Variants in ZNF518A observed in about 807,000 individuals in gnomAD.
ZNF518A encodes the protein zinc finger protein 518A.
A neutral mutation model predicts 102.7 loss-of-function variants in ZNF518A; 47 were observed. The observed-to-expected ratio is 0.46, with a 90% CI of 0.36 to 0.58. The LOEUF (loss-of-function observed/expected upper bound fraction) is 0.58. ZNF518A is among the 20% of genes least tolerant of loss of function. ZNF518A has a pLI of 0.00. For synonymous variants in ZNF518A, 652 were observed against 594.6 expected (o/e 1.10, Z -1.40); for missense variants, 1,793 against 1,699.8 (o/e 1.05, Z -0.96).
chr10:96,200,269 C>T lies in ZNF518A; in HGVS notation n.36-3305C>T. On this transcript the variant is annotated intron_variant and non_coding_transcript_variant, in intron 1 of 2. Transcript: ENST00000442635. The surrounding 1 kb of genome is among the most constrained non-coding windows in gnomAD (Gnocchi z 4.3). The stretch of plus-strand genomic sequence containing the variant: ...TTATCAAGACAGGCCTCTACATTTA[C>T]ACCAATAATTTTAAGATGAGTTTTA... 1.4e-6 allele frequency: 1 copy of T among 713,250 alleles called. No individual in the cohort carries two copies. Among genetic ancestry groups the T allele is most frequent in the Non-Finnish European group, 2.4e-6 (1 of 413,342 alleles). 44.2% of individuals were successfully genotyped at this position (713,250 alleles called of 1,614,324 possible).
chr10:96,137,311 GT>G (rs1356251477), intron 3 of ZNF518A, among the ~76,000 whole-genome samples: 3 of 151,930 alleles, frequency 2.0e-5, no homozygotes, highest in African/African-American at 4.8e-5. Context: ...CAGTCATACT[GT>G]AATTCCTCCC....
At chr10:96,180,502 C>A (rs979767642) in intron 1 of ZNF518A, among the ~76,000 whole-genome samples, 6 of 152,130 alleles carry the variant, frequency 3.9e-5, no homozygotes, top group South Asian at 4.2e-4. Flanking sequence ...CTCCTCCCCC[C>A]ACCCCACAAT....
intron 1 of ZNF518A, 190 bp downstream of exon 1, chr10:96,130,942 GT>G (rs2081303964): frequency 1.3e-5 from 2 of 152,324 alleles, no homozygotes; most frequent in Non-Finnish European, 2.9e-5. Flanking sequence ...AAGGAAAAAT[GT>G]TTTAACTCTT....
At position 96,161,527 on chromosome 10, in the gene ZNF518A, C is replaced by G. The variant is rs1269622563; in HGVS notation, c.*753C>G. 1 of 166,632 alleles carries G rather than the reference C, an allele frequency of 6.0e-6. No individual in the cohort carries two copies. The highest frequency in any genetic ancestry group is 2.4e-5 in the African/African-American group (1 of 41,410). The allele number at this position is 166,632 out of a possible 1,614,324, so 10.3% of individuals were successfully genotyped here. A position where few individuals can be genotyped will look rare whatever the true frequency, so the allele number is the denominator to read the frequency against. ...TCTCATTGAAAGTTTGGTTAAAGAACTTGAACATATTTCTAAATTTGATTA... is the reference window on the plus strand; with the variant it reads ...TCTCATTGAAAGTTTGGTTAAAGAAGTTGAACATATTTCTAAATTTGATTA... On this transcript the variant is annotated 3_prime_UTR_variant, in exon 6 of 6. Coordinates refer to ENST00000316045, the MANE Select transcript of ZNF518A (RefSeq NM_001330736.2).
At position 96,143,009 on chromosome 10, in the gene ZNF518A, T is replaced by C. The variant is rs147014415; in HGVS notation, c.-302+9361T>C. 3.8e-3 allele frequency among the ~76,000 whole-genome samples: 583 copies of C among 152,292 alleles called. 2 individuals are homozygous for C. Among genetic ancestry groups the C allele is most frequent in the African/African-American group, 0.013 (556 of 41,560 alleles). ...TTTTAGTACAGATGGGGTTTCGCCA[T>C]GTTGGCCAGGCTGTTCTTGAACTCC... On this transcript the variant is annotated intron_variant, in intron 3 of 5. Coordinates refer to ENST00000316045, the MANE Select transcript of ZNF518A (RefSeq NM_001330736.2).
intron 1 of ZNF518A, chr10:96,189,698 AATCATCATC>A (rs150495829): frequency 6.6e-5 from 43 of 655,556 alleles, no homozygotes; most frequent in South Asian, 1.3e-4. Flanking sequence ...TCATCATCAA[AATCATCATC>A]ATCATCATCA....
intron 3 of ZNF518A, among the ~76,000 whole-genome samples, chr10:96,150,643 CT>C (rs1225542124): frequency 7.2e-6 from 1 of 138,216 alleles, no homozygotes; most frequent in Non-Finnish European, 1.5e-5. Flanking sequence ...TCAGTATGCT[CT>C]TTTTTTCAAT....
chr10:96,157,592 C>G lies in ZNF518A; in HGVS notation c.1270C>G (p.Leu424Val), dbSNP rs781955118. 2.5e-6 allele frequency: 4 copies of G among 1,613,712 alleles called. No individual in the cohort carries two copies. The African/African-American group carries it at 5.3e-5, about 22-fold the overall frequency. The stretch of plus-strand genomic sequence containing the variant: ...GAAGACTGCTGTACTAGGACCTACA[C>G]TGAAAAATGTAATGATGAAAAATAA... ...FMKTAVLGPT[L>V]KNVMMKNNKL... Residue 424 changes from leucine to valine, a missense_variant, in exon 6 of 6, where the codon CTG becomes GTG. By Grantham distance (32) the Leu-to-Val change is conservative. Coordinates refer to ENST00000316045, the MANE Select transcript of ZNF518A (RefSeq NM_001330736.2).
At chr10:96,188,243 A>T (rs1324014213) in intron 1 of ZNF518A, among the ~76,000 whole-genome samples, 1 of 152,244 alleles carries the variant, frequency 6.6e-6, no homozygotes, top group African/African-American at 2.4e-5. Context: ...CTCTTCTGCA[A>T]GATGAGGGAA....
chr10:96,136,985 A>G (rs1486180961), intron 3 of ZNF518A, among the ~76,000 whole-genome samples: 2 of 152,256 alleles, frequency 1.3e-5, no homozygotes, highest in East Asian at 3.8e-4. Flanking sequence ...GCCATAGGCA[A>G]TATGTAAATG....
exon 3 of ZNF518A, chr10:96,203,998 G>T: frequency 6.8e-7 from 1 of 1,461,288 alleles, no homozygotes; most frequent in Non-Finnish European, 9.6e-7. Context: ...AGGCCTATCA[G>T]ACTCTAGGAT....
Position 96,158,498 on chromosome 10 carries a change from C to T in ZNF518A, c.2176C>T (p.Gln726Ter), listed in dbSNP as rs1554884721. The T allele has an allele frequency of 1.2e-6, 2 of 1,612,370 alleles. No homozygotes were observed. The highest frequency in any genetic ancestry group is 8.5e-7 in the Non-Finnish European group (1 of 1,179,442). ...AGAACAGTATGTTTTAGAAAAAGGACAAAACATTGATGGACAAAACCTGTA... is the reference window on the plus strand; with the variant it reads ...AGAACAGTATGTTTTAGAAAAAGGATAAAACATTGATGGACAAAACCTGTA... ...IEEQYVLEKG[Q>*]NIDGQNLYSN... is the part of the protein sequence containing the mutation. The change falls in exon 6 of 6, where the codon CAA (glutamine) becomes TAA (stop). Residue 726 changes from glutamine (Q) to a stop codon, truncating the protein, a stop_gained. Coordinates refer to ENST00000316045, the MANE Select transcript of ZNF518A (RefSeq NM_001330736.2). LOFTEE classifies it high-confidence loss of function.
At chr10:96,142,529 T>C (rs1369451112) in intron 3 of ZNF518A, among the ~76,000 whole-genome samples, 3 of 152,156 alleles carry the variant, frequency 2.0e-5, no homozygotes, top group African/African-American at 7.2e-5. Flanking sequence ...ATGAGACAAC[T>C]TAGAGAGCTA....
At position 96,160,558 on chromosome 10, in the gene ZNF518A, T is replaced by G; in HGVS notation, c.4236T>G (p.Pro1412=). The G allele has an allele frequency of 6.2e-7, 1 of 1,612,230 alleles. No individual in the cohort carries two copies. Among genetic ancestry groups the G allele is most frequent in the Non-Finnish European group, 8.5e-7 (1 of 1,179,218 alleles). The change falls in exon 6 of 6, where the codon CCT becomes CCG. Residue 1412 remains proline, a synonymous_variant. Coordinates refer to ENST00000316045, the MANE Select transcript of ZNF518A (RefSeq NM_001330736.2). ...CCAAGAGGCACAAAACATTTAAACC[T>G]GTTAGTTCTGTGAAAGAAAGATTTG... ...DFSKRHKTFK[P]VSSVKERFVL... is the part of the protein sequence containing the mutation.
intron 1 of ZNF518A, among the ~76,000 whole-genome samples, chr10:96,175,960 G>A (rs1053272633): frequency 1.7e-5 from 2 of 118,294 alleles, no homozygotes; most frequent in African/African-American, 6.6e-5. Context: ...CCTTTCTTTT[G>A]TTTTTTAGAG....
Position 96,196,964 on chromosome 10 carries a change from G to A in ZNF518A, n.36-6610G>A, listed in dbSNP as rs1554894837. On this transcript the variant is annotated intron_variant and non_coding_transcript_variant, in intron 1 of 2. Transcript: ENST00000442635. ...TATTGTTTTGTTGCTTCAATAAATC[G>A]CACAGGAATATTATATACTCGCTTA... The A allele has an allele frequency of 3.7e-6, 6 of 1,613,228 alleles. No homozygotes were observed. Among genetic ancestry groups the A allele is most frequent in the African/African-American group, 1.3e-5 (1 of 74,952 alleles).
Position 96,159,631 on chromosome 10 carries a change from A to C in ZNF518A, c.3309A>C (p.Gln1103His). The C allele has an allele frequency of 6.2e-7, 1 of 1,613,844 alleles. No individual in the cohort carries two copies. The highest frequency in any genetic ancestry group is 8.5e-7 in the Non-Finnish European group (1 of 1,179,796). Residue 1103 changes from glutamine to histidine, a missense_variant, in exon 6 of 6, where the codon CAA becomes CAC. This residue lies in a region of ZNF518A where 1,741 missense variants were observed against 1,622.6 expected (regional missense o/e 1.07). Coordinates refer to ENST00000316045, the MANE Select transcript of ZNF518A (RefSeq NM_001330736.2). ...PLYTFLPDGK[Q>H]AVFLKCVMPN... is the part of the protein sequence containing the mutation. Reference sequence around the variant, plus strand: ...ATACCTTCTTGCCTGATGGCAAACAAGCTGTTTTTTTAAAGTGTGTGATGC... The same window carrying C: ...ATACCTTCTTGCCTGATGGCAAACACGCTGTTTTTTTAAAGTGTGTGATGC...
At chr10:96,166,149 T>A (rs1184801054), downstream of ZNF518A, among the ~76,000 whole-genome samples, 1 of 152,140 alleles carries the variant, frequency 6.6e-6, no homozygotes, top group East Asian at 1.9e-4. Context: ...GGAGAGAGAA[T>A]TAGCTTTTTC....
chr10:96,153,844 ATCT>A (rs2082568256), intron 3 of ZNF518A, among the ~76,000 whole-genome samples: 1 of 152,170 alleles, frequency 6.6e-6, no homozygotes, highest in Non-Finnish European at 1.5e-5. Flanking sequence ...GGCACCTAAA[ATCT>A]TCTGATACCC....
Sources: allele counts gnomAD v4.1 joint callset (sites outside exome capture counted in the v4.1 genomes callset), GRCh38; gene constraint gnomAD v4.1.1; regional missense constraint gnomAD v4.1.1; non-coding constraint Gnocchi (gnomAD v3.1); transcripts MANE v1.5; gene names NCBI Gene and HGNC (gene_info 2026-07-23, HGNC 2026-07-21).